AGPAT5: variants seen among roughly 807,000 people sequenced by gnomAD.
AGPAT5 encodes 1-acylglycerol-3-phosphate O-acyltransferase 5.
A neutral mutation model predicts 45.6 loss-of-function variants in AGPAT5; 46 were observed. The observed-to-expected ratio is 1.01, with a 90% CI of 0.80 to 1.29. The LOEUF is 1.29. Among genes scored for constraint, AGPAT5 ranks in the 50% most tolerant of loss-of-function variants. The pLI is 0.00. For synonymous variants in AGPAT5, 272 were observed against 167.0 expected, an observed-to-expected ratio of 1.63 and a Z score of -4.85; for missense variants, 673 against 450.7, an observed-to-expected ratio of 1.49 and a Z score of -4.47.
chr8:6,757,031 T>C lies in AGPAT5; in HGVS notation c.870-132T>C, dbSNP rs767099575. 12 of 652,558 alleles carry C rather than the reference T, an allele frequency of 1.8e-5. No individual in the cohort carries two copies. In the South Asian group the frequency reaches 2.2e-4, roughly 12 times the overall value. 40.4% of individuals were successfully genotyped at this position (652,558 alleles called of 1,614,324 possible). ...ACTTCTATTAAACCAAGTTTCTGGATGTTTCCGTATTCATCCTTATTTTCC... is the reference window on the plus strand; with the variant it reads ...ACTTCTATTAAACCAAGTTTCTGGACGTTTCCGTATTCATCCTTATTTTCC... On this transcript the variant is annotated intron_variant, in intron 7 of 7. Transcript: ENST00000285518.
At chr8:6,747,461 G>C (rs978584694) in intron 5 of AGPAT5, among the ~76,000 whole-genome samples, 1 of 152,226 alleles carries the variant, frequency 6.6e-6, no homozygotes, top group Non-Finnish European at 1.5e-5. Flanking sequence ...GTAGATATTT[G>C]ATCAATATAT....
At chr8:6,719,522 T>A (rs1340114946) in intron 1 of AGPAT5, among the ~76,000 whole-genome samples, 1 of 152,216 alleles carries the variant, frequency 6.6e-6, no homozygotes, top group African/African-American at 2.4e-5. Context: ...TATGACCATC[T>A]TCTGTTGGTC....
At chr8:6,729,644 G>A (rs1800798254) in intron 2 of AGPAT5, among the ~76,000 whole-genome samples, 2 of 152,134 alleles carry the variant, frequency 1.3e-5, no homozygotes, top group South Asian at 2.1e-4. Flanking sequence ...TTTAAACCAT[G>A]TCCTCTGTTT....
intron 6 of AGPAT5, among the ~76,000 whole-genome samples, chr8:6,752,459 G>T (rs114341042): frequency 6.6e-6 from 1 of 151,916 alleles, no homozygotes; most frequent in South Asian, 2.1e-4. Context: ...ATATACTTCC[G>T]TAACTTTTTT....
chr8:6,745,165 A>C (rs1258488357), intron 5 of AGPAT5: 1 of 153,836 alleles, frequency 6.5e-6, no homozygotes, highest in East Asian at 1.9e-4. Flanking sequence ...TCTTTGGAAG[A>C]AACTGCTGAA....
intron 4 of AGPAT5, among the ~76,000 whole-genome samples, chr8:6,733,118 T>C (rs187921733): frequency 9.2e-4 from 140 of 152,326 alleles, no homozygotes; most frequent in Non-Finnish European, 1.5e-3. Context: ...GTAAATAATA[T>C]TTTATAAAAC....
intron 4 of AGPAT5, among the ~76,000 whole-genome samples, chr8:6,735,288 G>C (rs1295357137): frequency 6.6e-6 from 1 of 152,140 alleles, no homozygotes; most frequent in Non-Finnish European, 1.5e-5. Flanking sequence ...ATGTGGGCTG[G>C]GCCCTGAGCC....
intron 1 of AGPAT5, chr8:6,709,277 G>C: frequency 4.3e-6 from 1 of 230,944 alleles, no homozygotes; most frequent in South Asian, 5.0e-5. Flanking sequence ...TCCGAAGTGC[G>C]CTTTTACAGT....
At chr8:6,732,010 C>G (rs970452902) in intron 3 of AGPAT5, among the ~76,000 whole-genome samples, 2 of 152,186 alleles carry the variant, frequency 1.3e-5, no homozygotes, top group Non-Finnish European at 2.9e-5. Context: ...CTCTGAGGCC[C>G]TTTTTTAACC....
At chr8:6,723,545 A>G (rs1166664800) in intron 1 of AGPAT5, among the ~76,000 whole-genome samples, 2 of 151,976 alleles carry the variant, frequency 1.3e-5, no homozygotes, top group Non-Finnish European at 1.5e-5. Flanking sequence ...AAATCAGTGC[A>G]TACTCAATGG....
At position 6,719,666 on chromosome 8, in the gene AGPAT5, G is replaced by C. The variant is rs563887146; in HGVS notation, c.220-5204G>C. 1.4e-4 allele frequency among the ~76,000 whole-genome samples: 21 copies of C among 152,250 alleles called. No individual in the cohort carries two copies. In the East Asian group the frequency reaches 4.0e-3, roughly 29 times the overall value. On this transcript the variant is annotated intron_variant, in intron 1 of 7. Coordinates refer to ENST00000285518, the MANE Select transcript of AGPAT5 (RefSeq NM_018361.5). Reference sequence around the variant, plus strand: ...CACCCCTGGAGATGGGTAGCCTCCAGCTTTACCACCCAAACAAGCTAAGAA... The same window carrying C: ...CACCCCTGGAGATGGGTAGCCTCCACCTTTACCACCCAAACAAGCTAAGAA...
At chr8:6,710,581 T>A (rs1800125192) in intron 1 of AGPAT5, among the ~76,000 whole-genome samples, 1 of 152,232 alleles carries the variant, frequency 6.6e-6, no homozygotes, top group Non-Finnish European at 1.5e-5. Flanking sequence ...AGTTTCTTGT[T>A]CCTGCATTTT....
chr8:6,732,443 A>T (rs1800894831), intron 3 of AGPAT5, 118 bp from the exon 4 acceptor site: 2 of 649,834 alleles, frequency 3.1e-6, no homozygotes, highest in Middle Eastern at 2.9e-4. Flanking sequence ...AATATAGATT[A>T]AATTCTGAAA....
In AGPAT5 at chr8:6,760,466, A is replaced by G. The variant is rs987260750; in HGVS notation, c.*3078A>G. ...TATAGACACACAGTAACTCCCAGATATGTACCACAAAAAATGTGAAAAGAG... is the reference window on the plus strand; with the variant it reads ...TATAGACACACAGTAACTCCCAGATGTGTACCACAAAAAATGTGAAAAGAG... On this transcript the variant is annotated 3_prime_UTR_variant, in exon 8 of 8. Transcript: ENST00000285518. 2.0e-5 allele frequency among the ~76,000 whole-genome samples: 3 copies of G among 151,978 alleles called. No homozygotes were observed. Among genetic ancestry groups the G allele is most frequent in the South Asian group, 2.1e-4 (1 of 4,828 alleles).
chr8:6,732,433 A>C, intron 3 of AGPAT5, 128 bp from the exon 4 acceptor site: 2 of 610,676 alleles, frequency 3.3e-6, no homozygotes, highest in Middle Eastern at 3.3e-4. Context: ...GAAGATATTA[A>C]ATATAGATTA....
chr8:6,719,330 A>C (rs565710449), intron 1 of AGPAT5, among the ~76,000 whole-genome samples: 9 of 152,332 alleles, frequency 5.9e-5, no homozygotes, highest in African/African-American at 1.7e-4. Flanking sequence ...AAATAAAGAC[A>C]GACTACTTGC....
rs569973587 is a variant in AGPAT5, at chr8:6,715,796, A to G, written c.219+6909A>G. On this transcript the variant is annotated intron_variant, in intron 1 of 7. Transcript: ENST00000285518. ...ATACAGAGGTAAAGTAACTCTTTAA[A>G]GTAACTCTTTGCTTGGGTTAGTGGA... 1.3e-4 allele frequency among the ~76,000 whole-genome samples: 20 copies of G among 152,350 alleles called. 1 individual carries two copies. The South Asian group carries it at 3.9e-3, about 30-fold the overall frequency.
rs1421751483 is a variant in AGPAT5, at chr8:6,708,715, T to C, written c.47T>C (p.Leu16Pro). The C allele has an allele frequency of 1.2e-6, 2 of 1,606,208 alleles. No individual in the cohort carries two copies. The highest frequency in any genetic ancestry group is 1.7e-6 in the Non-Finnish European group (2 of 1,179,618). The change falls in exon 1 of 8, where the codon CTG (leucine) becomes CCG (proline). Residue 16 changes from leucine (L) to proline (P), a missense_variant. Coordinates refer to ENST00000285518, the MANE Select transcript of AGPAT5 (RefSeq NM_018361.5). ...VLHTYSMRYL[L>P]PSVVLLGTAP... ...CACACGTACTCCATGCGCTACCTGC[T>C]GCCCAGCGTCGTGCTCCTGGGCACG... is the stretch of plus-strand genomic sequence containing the variant.
rs779047605 is a variant in AGPAT5 at position 6,708,919 on chromosome 8, TC to T, written c.219+34del. 2.5e-6 allele frequency: 4 copies of T among 1,579,296 alleles called. No homozygotes were observed. The South Asian group carries it at 4.5e-5, about 18-fold the overall frequency. On this transcript the variant is annotated intron_variant, in intron 1 of 7. Transcript: ENST00000285518. The stretch of plus-strand genomic sequence containing the variant: ...CGCCTCCCGCTCCCGGGTCTCGGCG[TC>T]CACCCGAGCTCCCGGGGGCGCGGAC...
Sources: allele counts gnomAD v4.1 joint callset (sites outside exome capture counted in the v4.1 genomes callset), GRCh38; gene constraint gnomAD v4.1.1; transcripts MANE v1.5; gene names NCBI Gene and HGNC (gene_info 2026-07-23, HGNC 2026-07-21).